HSPA14: variants seen among roughly 807,000 people sequenced by gnomAD.
HSPA14 encodes heat shock protein family A (Hsp70) member 14, also known as heat shock 70 kDa protein 14.
A neutral mutation model predicts 65.5 loss-of-function variants in HSPA14; 37 were observed. The ratio of observed to expected loss-of-function variants is 0.56; its 90% CI spans 0.43 to 0.74. HSPA14 has a LOEUF of 0.74. Among genes scored for constraint, HSPA14 ranks in the 30% least tolerant of loss-of-function variants. HSPA14 has a pLI of 0.00. For synonymous variants in HSPA14, 203 were observed against 214.2 expected (o/e 0.95, Z 0.46); for missense variants, 564 against 607.6 (o/e 0.93, Z 0.75).
intron 3 of HSPA14, chr10:14,843,594 T>C: frequency 6.4e-7 from 1 of 1,550,568 alleles, no homozygotes; most frequent in Non-Finnish European, 8.7e-7. Context: ...CCTTGACCAG[T>C]GAGCCCCCTC....
At chr10:14,867,053 A>G (rs752484586) in intron 10 of HSPA14, 30 bp from the exon 11 acceptor site, 1 of 1,513,378 alleles carries the variant, frequency 6.6e-7, no homozygotes, top group African/African-American at 1.4e-5. Flanking sequence ...TTCTAAAAGT[A>G]AACAACTGAA....
At chr10:14,840,219 T>A (rs1833955937) in intron 3 of HSPA14, 62 bp downstream of exon 3, 1 of 855,830 alleles carries the variant, frequency 1.2e-6, no homozygotes, top group South Asian at 2.9e-5. Context: ...ATTCTAAGCA[T>A]AATGTGAAAA....
chr10:14,846,723 G>A, intron 3 of HSPA14: 2 of 984,824 alleles, frequency 2.0e-6, no homozygotes, highest in Non-Finnish European at 2.4e-6. Context: ...TTTCAGACAT[G>A]TAAGGCACTG....
chr10:14,839,826 G>A, intron 1 of HSPA14, 79 bp from the exon 2 acceptor site: 1 of 989,642 alleles, frequency 1.0e-6, no homozygotes, highest in Non-Finnish European at 1.5e-6. Context: ...CCACACAGAT[G>A]GCAAAGTAAC....
chr10:14,858,109 T>A (rs1323669562), intron 10 of HSPA14, among the ~76,000 whole-genome samples: 3 of 152,158 alleles, frequency 2.0e-5, no homozygotes, highest in Non-Finnish European at 4.4e-5. Flanking sequence ...TTCCTGACAC[T>A]TTCTCTTGTT....
At chr10:14,852,341 C>T (rs1362228501) in intron 7 of HSPA14, 29 bp from the exon 8 acceptor site, 1 of 1,588,994 alleles carries the variant, frequency 6.3e-7, no homozygotes, top group Non-Finnish European at 8.6e-7. Context: ...ATGTTATTCC[C>T]TGATAACTTA....
At chr10:14,845,587 C>A in intron 3 of HSPA14, 4 of 928,496 alleles carry the variant, frequency 4.3e-6, no homozygotes, top group African/African-American at 3.6e-5. Flanking sequence ...TTGCCCTTTT[C>A]TATTATTATT....
At chr10:14,846,162 G>A in intron 3 of HSPA14, 1 of 984,404 alleles carries the variant, frequency 1.0e-6, no homozygotes. Flanking sequence ...CATTGAAATG[G>A]ATACAGCTAT....
At chr10:14,854,879 G>A (rs1232542655) in intron 9 of HSPA14, among the ~76,000 whole-genome samples, 1 of 152,200 alleles carries the variant, frequency 6.6e-6, no homozygotes, top group Admixed American at 6.5e-5. Flanking sequence ...TTCCTCAGTA[G>A]CACTAGCTGC....
At position 14,842,937 on chromosome 10, in the gene HSPA14, A is replaced by C. The variant is rs1833994158; in HGVS notation, c.221+2780A>C. On this transcript the variant is annotated intron_variant, in intron 3 of 13. Transcript: ENST00000378372. The surrounding 1 kb of genome is among the most constrained non-coding windows in gnomAD (Gnocchi z 5.2). The stretch of plus-strand genomic sequence containing the variant: ...CTGTTTGGATAGTGTCCTCTTCAGC[A>C]TAGTTCCTGTTTCTGCCTCATTCTG... 2 of 953,194 alleles carry C rather than the reference A, an allele frequency of 2.1e-6. No individual in the cohort carries two copies. The highest frequency in any genetic ancestry group is 1.5e-6 in the Non-Finnish European group (1 of 657,376). 59.0% of individuals were successfully genotyped at this position (953,194 alleles called of 1,614,324 possible). A position where few individuals can be genotyped will look rare whatever the true frequency, so the allele number is the denominator to read the frequency against.
rs1833990681 is a variant in HSPA14 at position 14,842,726 on chromosome 10, GATC to G, written c.221+2574_221+2576del. The G allele has an allele frequency of 6.5e-7, 1 of 1,536,532 alleles. No homozygotes were observed. Among genetic ancestry groups the G allele is most frequent in the East Asian group, 2.4e-5 (1 of 40,920 alleles). ...AAAATCAAAAAGGACTCAGGCAGCT[GATC>G]ATCAGCCTATCTTGAAAACAGTTAA... is the stretch of plus-strand genomic sequence containing the variant. On this transcript the variant is annotated intron_variant, in intron 3 of 13. Transcript: ENST00000378372. This position sits in a 1 kb window ranked among gnomAD's most constrained non-coding sequence, Gnocchi z 5.2.
rs572477597 is a variant in HSPA14 at position 14,845,852 on chromosome 10, G to A, written c.222-2757G>A. On this transcript the variant is annotated intron_variant, in intron 3 of 13. Transcript: ENST00000378372. ...GCTGAGATTACAGGCGTGAGCCACC[G>A]TGCCCAGCCAATTCATGCCTCAATT... 8.8e-5 allele frequency: 24 copies of A among 273,102 alleles called. No homozygotes were observed. In the South Asian group the frequency reaches 1.4e-3, roughly 16 times the overall value. The allele number at this position is 273,102 out of a possible 1,614,324, so 16.9% of individuals were successfully genotyped here. A position where few individuals can be genotyped will look rare whatever the true frequency, so the allele number is the denominator to read the frequency against.
intron 10 of HSPA14, among the ~76,000 whole-genome samples, chr10:14,860,562 A>G (rs1832743167): frequency 2.6e-5 from 4 of 152,102 alleles, no homozygotes. Context: ...AGCCATGTGA[A>G]TATCTACCAG....
In HSPA14 at chr10:14,840,158, G is replaced by T; in HGVS notation, c.221+1G>T. The T allele has an allele frequency of 7.3e-7, 1 of 1,371,752 alleles. No individual in the cohort carries two copies. Among genetic ancestry groups the T allele is most frequent in the South Asian group, 1.7e-5 (1 of 59,114 alleles). 85.0% of individuals were successfully genotyped at this position (1,371,752 alleles called of 1,614,324 possible). ...AAGTAAAGCAGATCCTGGGCAGAAG[G>T]TATGGAATCAAATGATACTTTTAAA... On this transcript the variant is annotated splice_donor_variant, in intron 3 of 13. Coordinates refer to ENST00000378372, the MANE Select transcript of HSPA14 (RefSeq NM_016299.4). LOFTEE classifies it high-confidence loss of function.
Position 14,851,319 on chromosome 10 carries a change from A to C in HSPA14, c.568A>C (p.Lys190Gln), listed in dbSNP as rs1438572501. 2 of 1,582,640 alleles carry C rather than the reference A, an allele frequency of 1.3e-6. No individual in the cohort carries two copies. The highest frequency in any genetic ancestry group is 1.7e-6 in the Non-Finnish European group (2 of 1,152,114). Residue 190 changes from lysine (K) to glutamine (Q), a missense_variant, in exon 7 of 14, where the codon AAA (lysine) becomes CAA (glutamine). Coordinates refer to ENST00000378372, the MANE Select transcript of HSPA14 (RefSeq NM_016299.4). ...YGIGQDSPTG[K>Q]SNILVFKLGG... ...AATTGGACAAGACTCCCCTACTGGA[A>C]AAAGGTAAAGATCATATTTGCAGTT... is the stretch of plus-strand genomic sequence containing the variant.
intron 1 of HSPA14, among the ~76,000 whole-genome samples, chr10:14,838,785 C>A (rs564237764): frequency 7.0e-4 from 107 of 152,038 alleles, no homozygotes; most frequent in Admixed American, 2.5e-3. Context: ...ACAGCGGGGC[C>A]GCTGGGTGTC....
At chr10:14,859,257 G>A (rs551773360) in intron 10 of HSPA14, among the ~76,000 whole-genome samples, 95 of 152,236 alleles carry the variant, frequency 6.2e-4, no homozygotes, top group African/African-American at 2.0e-3. Flanking sequence ...CTGGGGGTGG[G>A]GGCAGGTGCA....
chr10:14,838,317 C>G lies in HSPA14; in HGVS notation c.-86C>G. ...GGGCTGGCGGGAACGTGAAGCTCCGCGGTGCCTGATGGGGCCGTTGGGCGG... is the reference window on the plus strand; with the variant it reads ...GGGCTGGCGGGAACGTGAAGCTCCGGGGTGCCTGATGGGGCCGTTGGGCGG... On this transcript the variant is annotated 5_prime_UTR_variant, in exon 1 of 14. Transcript: ENST00000378372. 1.5e-6 allele frequency: 2 copies of G among 1,351,452 alleles called. No individual in the cohort carries two copies. Among genetic ancestry groups the G allele is most frequent in the Non-Finnish European group, 2.1e-6 (2 of 975,532 alleles). The allele number at this position is 1,351,452 out of a possible 1,614,324, so 83.7% of individuals were successfully genotyped here. A position where few individuals can be genotyped will look rare whatever the true frequency, so the allele number is the denominator to read the frequency against.
intron 10 of HSPA14, among the ~76,000 whole-genome samples, chr10:14,865,171 T>A (rs2131647866): frequency 6.6e-6 from 1 of 152,326 alleles, no homozygotes; most frequent in African/African-American, 2.4e-5. Context: ...ATGGGGCTGT[T>A]TGTTTTTTTC....
Sources: allele counts gnomAD v4.1 joint callset (sites outside exome capture counted in the v4.1 genomes callset), GRCh38; gene constraint gnomAD v4.1.1; non-coding constraint Gnocchi (gnomAD v3.1); transcripts MANE v1.5; gene names NCBI Gene and HGNC (gene_info 2026-07-23, HGNC 2026-07-21).